RIMS2: variants seen among roughly 807,000 people sequenced by gnomAD.
RIMS2 encodes regulating synaptic membrane exocytosis 2.
RIMS2 carries 59 observed loss-of-function variants against 174.4 expected under a neutral mutation model. The ratio of observed to expected loss-of-function variants is 0.34; its 90% CI spans 0.27 to 0.42. RIMS2 has a LOEUF of 0.42. RIMS2 is among the 10% of genes least tolerant of loss of function. RIMS2 has a pLI of 1.00. For synonymous variants in RIMS2, 606 were observed against 572.5 expected (o/e 1.06, Z -0.84); for missense variants, 1,620 against 1,666.3 (o/e 0.97, Z 0.48).
intron 1 of RIMS2, among the ~76,000 whole-genome samples, chr8:103,571,668 T>G (rs1024997364): frequency 6.6e-6 from 1 of 152,178 alleles, no homozygotes; most frequent in Non-Finnish European, 1.5e-5. Context: ...TACTTTTTGT[T>G]GTGAGTAAAA....
intron 19 of RIMS2, 83 bp from the exon 25 acceptor site, chr8:104,148,524 C>T (rs2098662287): frequency 8.2e-7 from 1 of 1,221,858 alleles, no homozygotes; most frequent in Non-Finnish European, 1.1e-6. Context: ...TTTAATTATA[C>T]TCCAAATGTT....
intron 6 of RIMS2, among the ~76,000 whole-genome samples, chr8:103,913,896 G>A (rs1010313775): frequency 6.6e-6 from 1 of 152,104 alleles, no homozygotes. Context: ...CAGCATTGGG[G>A]ATTACAATTC....
chr8:103,917,788 G>A (rs921756373), intron 8 of RIMS2, among the ~76,000 whole-genome samples: 1 of 152,080 alleles, frequency 6.6e-6, no homozygotes, highest in Non-Finnish European at 1.5e-5. Context: ...GAGGCGGAAG[G>A]ATCACTTGAA....
chr8:103,565,450 A>C (rs887343047), intron 1 of RIMS2, among the ~76,000 whole-genome samples: 3 of 152,064 alleles, frequency 2.0e-5, no homozygotes, highest in Non-Finnish European at 4.4e-5. Context: ...GACTACAGGC[A>C]TGCACCACCA....
intron 14 of RIMS2, among the ~76,000 whole-genome samples, chr8:103,944,565 T>TC (rs2083278915): frequency 1.3e-5 from 2 of 152,076 alleles, no homozygotes; most frequent in South Asian, 2.1e-4. Flanking sequence ...TTCATTTTTT[T>TC]CCCCACACTA....
At chr8:103,538,438 AGTATACACTG>A (rs1840882358) in intron 1 of RIMS2, among the ~76,000 whole-genome samples, 1 of 152,104 alleles carries the variant, frequency 6.6e-6, no homozygotes, top group Admixed American at 6.5e-5. Flanking sequence ...TCACCTAAGC[AGTATACACTG>A]CACCATACTT....
chr8:104,177,477 T>A (rs2098909723), intron 19 of RIMS2, among the ~76,000 whole-genome samples: 1 of 152,160 alleles, frequency 6.6e-6, no homozygotes, highest in African/African-American at 2.4e-5. Context: ...TATGCCCAAT[T>A]TCTAGCTTTT....
At chr8:103,624,069 T>C (rs564385789) in intron 1 of RIMS2, among the ~76,000 whole-genome samples, 1 of 152,256 alleles carries the variant, frequency 6.6e-6, no homozygotes, top group East Asian at 1.9e-4. Context: ...TACAAACCCA[T>C]AGTAAGCAAA....
intron 19 of RIMS2, among the ~76,000 whole-genome samples, chr8:104,037,474 T>C (rs916080109): frequency 6.6e-6 from 1 of 152,218 alleles, no homozygotes; most frequent in Non-Finnish European, 1.5e-5. Flanking sequence ...ACCAAGTGTA[T>C]GCCTGTTGTA....
intron 2 of RIMS2, among the ~76,000 whole-genome samples, chr8:103,734,814 T>A (rs973904403): frequency 6.6e-6 from 1 of 152,086 alleles, no homozygotes; most frequent in African/African-American, 2.4e-5. Context: ...TTCTCTCAGT[T>A]CCCATGATCA....
At chr8:103,566,272 CTA>C (rs2092336393) in intron 1 of RIMS2, among the ~76,000 whole-genome samples, 1 of 152,134 alleles carries the variant, frequency 6.6e-6, no homozygotes, top group Admixed American at 6.6e-5. Flanking sequence ...TGTGTTCCTT[CTA>C]TGTTAGTCAT....
intron 19 of RIMS2, among the ~76,000 whole-genome samples, chr8:104,218,747 G>A (rs959807939): frequency 2.6e-5 from 4 of 152,088 alleles, no homozygotes; most frequent in Non-Finnish European, 5.9e-5. Flanking sequence ...CAGAGCTCAG[G>A]TGGTAATGCA....
chr8:103,610,911 T>G (rs2095346577), intron 1 of RIMS2, among the ~76,000 whole-genome samples: 1 of 152,214 alleles, frequency 6.6e-6, no homozygotes, highest in Non-Finnish European at 1.5e-5. Context: ...TCAACTCTTT[T>G]CTATACATCT....
intron 1 of RIMS2, among the ~76,000 whole-genome samples, chr8:103,643,556 A>T (rs2096270971): frequency 6.6e-6 from 1 of 152,088 alleles, no homozygotes; most frequent in Non-Finnish European, 1.5e-5. Context: ...GAAGAGTTAG[A>T]CTGTGTTTAC....
chr8:103,528,274 G>A lies in RIMS2; in HGVS notation c.176+27212G>A, dbSNP rs145695982. ...TCTTGTAAATTTGTTTGAGTTCTTC[G>A]TAGATTCTGGATATTAGCTGTTTGT... is the stretch of plus-strand genomic sequence containing the variant. On this transcript the variant is annotated intron_variant, in intron 1 of 23. Transcript: ENST00000504942. Among the ~76,000 whole-genome samples, 131 of 151,636 alleles carry A rather than the reference G, an allele frequency of 8.6e-4. No individual in the cohort carries two copies. In the East Asian group the frequency reaches 0.023, roughly 26 times the overall value.
intron 19 of RIMS2, among the ~76,000 whole-genome samples, chr8:104,202,630 G>A (rs187844232): frequency 1.3e-5 from 2 of 152,300 alleles, no homozygotes; most frequent in Admixed American, 6.5e-5. Flanking sequence ...TCACTTTCTT[G>A]CTACCTCTTC....
At chr8:103,591,751 A>G (rs986305065) in intron 1 of RIMS2, among the ~76,000 whole-genome samples, 1 of 151,062 alleles carries the variant, frequency 6.6e-6, no homozygotes, top group African/African-American at 2.4e-5. Flanking sequence ...TGTTCCACTG[A>G]TCTATTTATT....
intron 14 of RIMS2, among the ~76,000 whole-genome samples, chr8:103,955,282 G>T (rs1214370684): frequency 6.6e-6 from 1 of 152,038 alleles, no homozygotes; most frequent in African/African-American, 2.4e-5. Flanking sequence ...ACAAAACCTG[G>T]CAGAGACACA....
intron 2 of RIMS2, among the ~76,000 whole-genome samples, chr8:103,727,199 T>G (rs1334599173): frequency 6.6e-6 from 1 of 152,120 alleles, no homozygotes; most frequent in Non-Finnish European, 1.5e-5. Context: ...TCTCTTGAAT[T>G]TTAATAATAT....
Sources: gnomAD v4.1 joint callset for allele counts (sites outside exome capture counted in the v4.1 genomes callset) on GRCh38, gnomAD v4.1.1 for gene constraint, MANE v1.5 for transcripts, NCBI Gene and HGNC (gene_info 2026-07-23, HGNC 2026-07-21) for gene names.